KRCC1: variants seen among roughly 807,000 people sequenced by gnomAD.
KRCC1 encodes lysine-rich coiled-coil protein 1.
Under a neutral mutation model 7.4 loss-of-function variants are expected in KRCC1, and 3 were observed. The observed-to-expected ratio is 0.40, with a 90% CI of 0.18 to 1.04. The LOEUF (loss-of-function observed/expected upper bound fraction) is 1.04, where lower values mean the gene tolerates loss of function less well. Among genes scored for constraint, KRCC1 ranks in the 50% least tolerant of loss-of-function variants. The probability of loss-of-function intolerance (pLI) is 0.33; values close to 1 mark genes in which losing one functional copy is unlikely to be tolerated. For synonymous variants in KRCC1, 102 were observed against 101.6 expected (o/e 1.00, Z -0.02); for missense variants, 277 against 300.9 (o/e 0.92, Z 0.59).
At chr2:88,048,041 T>C (rs552918111) in intron 1 of KRCC1, among the ~76,000 whole-genome samples, 1 of 152,258 alleles carries the variant, frequency 6.6e-6, no homozygotes, top group South Asian at 2.1e-4. Context: ...CTCTCCATCA[T>C]TTGCACCTTT....
rs113971131 is a variant in KRCC1, at chr2:88,045,759, C to T, written c.-290-8708G>A. On this transcript the variant is annotated intron_variant, in intron 1 of 3. Transcript: ENST00000347055. ...AGTGTAGTGGTGCAATCTTGGCTCA[C>T]CGCAACCTCTGCCTCCTGGGTTCAA... is the stretch of plus-strand genomic sequence containing the variant. 5.0e-3 allele frequency among the ~76,000 whole-genome samples: 765 copies of T among 152,108 alleles called. 8 individuals are homozygous for T. Among genetic ancestry groups the T allele is most frequent in the African/African-American group, 0.017 (719 of 41,486 alleles).
At chr2:88,049,637 G>C (rs1573086035) in intron 1 of KRCC1, among the ~76,000 whole-genome samples, 1 of 152,162 alleles carries the variant, frequency 6.6e-6, no homozygotes, top group African/African-American at 2.4e-5. Context: ...CAATCGGAGT[G>C]AGACCCTGTC....
rs563820436 is a variant in KRCC1, at chr2:88,049,475, G to A, written c.-291+6151C>T. 9.2e-5 allele frequency among the ~76,000 whole-genome samples: 14 copies of A among 152,156 alleles called. No homozygotes were observed. The East Asian group carries it at 1.4e-3, about 15-fold the overall frequency. On this transcript the variant is annotated intron_variant, in intron 1 of 3. Coordinates refer to ENST00000347055, the MANE Select transcript of KRCC1 (RefSeq NM_016618.3). ...AGCCTAGGCAACATGGTGAAACCCC[G>A]TCTCTACTAAAAATACAAAAAAACT... is the stretch of plus-strand genomic sequence containing the variant.
intron 1 of KRCC1, among the ~76,000 whole-genome samples, chr2:88,044,962 T>C (rs1024122699): frequency 2.7e-5 from 4 of 150,790 alleles, no homozygotes; most frequent in Non-Finnish European, 4.4e-5. Flanking sequence ...GGGCTCAAAT[T>C]ATCCTTCCAT....
intron 1 of KRCC1, among the ~76,000 whole-genome samples, chr2:88,048,067 G>A (rs1673382526): frequency 6.9e-6 from 1 of 144,386 alleles, no homozygotes; most frequent in African/African-American, 2.6e-5. Flanking sequence ...TGTCAGCAAT[G>A]TTATGTCATT....
At chr2:88,051,838 C>A (rs1216837041) in intron 1 of KRCC1, among the ~76,000 whole-genome samples, 1 of 152,216 alleles carries the variant, frequency 6.6e-6, no homozygotes, top group African/African-American at 2.4e-5. Context: ...TGTGTTAAAT[C>A]AGTTCACAAT....
intron 3 of KRCC1, among the ~76,000 whole-genome samples, chr2:88,030,625 G>C (rs1218555070): frequency 6.6e-6 from 1 of 152,110 alleles, no homozygotes; most frequent in Non-Finnish European, 1.5e-5. Flanking sequence ...TTACCAGAAT[G>C]ATTAAAATGA....
At chr2:88,043,547 T>C (rs1205186650) in intron 1 of KRCC1, among the ~76,000 whole-genome samples, 1 of 152,240 alleles carries the variant, frequency 6.6e-6, no homozygotes, top group Non-Finnish European at 1.5e-5. Context: ...AATAAATGCA[T>C]ATTGCCTTTT....
intron 1 of KRCC1, among the ~76,000 whole-genome samples, chr2:88,042,562 C>T (rs1015155481): frequency 3.9e-5 from 6 of 152,106 alleles, no homozygotes; most frequent in Admixed American, 3.9e-4. Flanking sequence ...GGACTATAGG[C>T]ATGTGCTAGC....
At chr2:88,052,221 C>CT (rs906606885) in intron 1 of KRCC1, among the ~76,000 whole-genome samples, 1 of 152,082 alleles carries the variant, frequency 6.6e-6, no homozygotes, top group African/African-American at 2.4e-5. Context: ...AACTGTCAGA[C>CT]TTTTTTTTAA....
chr2:88,028,511 T>G lies in KRCC1; in HGVS notation c.53A>C (p.Tyr18Ser). Residue 18 changes from tyrosine to serine, a missense_variant, in exon 4 of 4, where the codon TAT becomes TCT. Transcript: ENST00000347055. ...GCCTCTGGCTTTCTGTACTTTAATATAATCTTCAAGTTCATCTTGAAAAGA... is the reference window on the plus strand; with the variant it reads ...GCCTCTGGCTTTCTGTACTTTAATAGAATCTTCAAGTTCATCTTGAAAAGA... ...YDSFQDELED[Y>S]IKVQKARGLE... 6.2e-7 allele frequency: 1 copy of G among 1,613,250 alleles called. No individual in the cohort carries two copies. Among genetic ancestry groups the G allele is most frequent in the Non-Finnish European group, 8.5e-7 (1 of 1,179,502 alleles).
chr2:88,035,600 A>C (rs1239891041), intron 2 of KRCC1, among the ~76,000 whole-genome samples: 2 of 152,194 alleles, frequency 1.3e-5, no homozygotes. Flanking sequence ...TTATGGGTTC[A>C]AGCCATAACA....
At chr2:88,054,199 C>A (rs1348697786) in intron 1 of KRCC1, among the ~76,000 whole-genome samples, 1 of 152,148 alleles carries the variant, frequency 6.6e-6, no homozygotes, top group African/African-American at 2.4e-5. Context: ...CTCTCCCCAT[C>A]CTTGGAGAGT....
At chr2:88,045,960 G>A (rs766941240) in intron 1 of KRCC1, among the ~76,000 whole-genome samples, 39 of 152,128 alleles carry the variant, frequency 2.6e-4, no homozygotes, top group Admixed American at 8.5e-4. Context: ...GATTACAGGC[G>A]TGAGCCACCG....
intron 1 of KRCC1, among the ~76,000 whole-genome samples, chr2:88,054,278 G>A (rs1673563415): frequency 6.6e-6 from 1 of 152,188 alleles, no homozygotes; most frequent in Non-Finnish European, 1.5e-5. Flanking sequence ...GCCCTCTTTT[G>A]AGCTCCTGTT....
chr2:88,028,044 C>T lies in KRCC1; in HGVS notation c.520G>A (p.Glu174Lys). 6.2e-7 allele frequency: 1 copy of T among 1,614,072 alleles called. No homozygotes were observed. The highest frequency in any genetic ancestry group is 8.5e-7 in the Non-Finnish European group (1 of 1,180,022). The change falls in exon 4 of 4, where the codon GAG (glutamate) becomes AAG (lysine). Residue 174 changes from glutamate (E) to lysine (K), a missense_variant. Coordinates refer to ENST00000347055, the MANE Select transcript of KRCC1 (RefSeq NM_016618.3). Reference sequence around the variant, plus strand: ...TTTTTTCTCTTATGCTTAGACCGCTCCTCCTCTGATTTTTCTCTGCCTTCC... The same window carrying T: ...TTTTTTCTCTTATGCTTAGACCGCTTCTCCTCTGATTTTTCTCTGCCTTCC... ...PEEGREKSEEERSKHKRKKSC... is the reference protein window; with the variant it reads ...PEEGREKSEEKRSKHKRKKSC...
Position 88,055,650 on chromosome 2 carries a change from C to T in KRCC1, c.-315G>A, listed in dbSNP as rs1257762042. On this transcript the variant is annotated 5_prime_UTR_variant, in exon 1 of 4. Coordinates refer to ENST00000347055, the MANE Select transcript of KRCC1 (RefSeq NM_016618.3). The stretch of plus-strand genomic sequence containing the variant: ...CCTTCTCTGAGGCAGGGGCGGGCGT[C>T]TACAACTACTGTCCCCCGCCCCGCC... 1 of 152,274 alleles carries T rather than the reference C, an allele frequency of 6.6e-6. No individual in the cohort carries two copies. Among genetic ancestry groups the T allele is most frequent in the African/African-American group, 2.4e-5 (1 of 41,404 alleles). The allele number at this position is 152,274 out of a possible 1,614,324, so 9.4% of individuals were successfully genotyped here.
intron 1 of KRCC1, among the ~76,000 whole-genome samples, chr2:88,045,336 C>T (rs1673306144): frequency 1.3e-5 from 2 of 152,156 alleles, no homozygotes; most frequent in Non-Finnish European, 1.5e-5. Flanking sequence ...TAATGTCCAT[C>T]CACAGCTGAA....
chr2:88,050,004 T>C (rs749248099), intron 1 of KRCC1, among the ~76,000 whole-genome samples: 224 of 152,354 alleles, frequency 1.5e-3, no homozygotes, highest in Non-Finnish European at 2.7e-3. Context: ...TTTTCTCCAA[T>C]TGCTCTTTAT....
Sources: gnomAD v4.1 joint callset for allele counts (sites outside exome capture counted in the v4.1 genomes callset) on GRCh38, gnomAD v4.1.1 for gene constraint, MANE v1.5 for transcripts, NCBI Gene and HGNC (gene_info 2026-07-23, HGNC 2026-07-21) for gene names.